The following BRF1 variants were observed in gnomAD, a reference collection of about 807,000 sequenced individuals.
BRF1 encodes transcription factor IIIB 90 kDa subunit.
A neutral mutation model predicts 81.7 loss-of-function variants in BRF1; 59 were observed. The ratio of observed to expected loss-of-function variants is 0.72; its 90% CI spans 0.59 to 0.90. BRF1 has a LOEUF of 0.90. Among genes scored for constraint, BRF1 ranks in the 40% least tolerant of loss-of-function variants. BRF1 has a pLI of 0.00. For missense variants in BRF1, 1,050 were observed against 936.3 expected (o/e 1.12, Z -1.58); for synonymous variants, 491 against 395.6 (o/e 1.24, Z -2.86).
intron 5 of BRF1, chr14:105,241,780 A>T: frequency 3.6e-6 from 1 of 277,596 alleles, no homozygotes; most frequent in Non-Finnish European, 7.2e-6. Flanking sequence ...TCTTAGAGCA[A>T]GACAGGCGTG....
At chr14:105,247,625 A>C in intron 5 of BRF1, 2 of 985,214 alleles carry the variant, frequency 2.0e-6, no homozygotes, top group Non-Finnish European at 2.4e-6. Flanking sequence ...TTAGCCCAGG[A>C]CTGCGGTGAC....
At chr14:105,279,464 T>C (rs1418958194) in intron 2 of BRF1, among the ~76,000 whole-genome samples, 1 of 152,226 alleles carries the variant, frequency 6.6e-6, no homozygotes, top group Non-Finnish European at 1.5e-5. Flanking sequence ...GTTGTGGCCA[T>C]AATTACTCAC....
chr14:105,275,590 T>G (rs1363685526), intron 2 of BRF1, among the ~76,000 whole-genome samples: 1 of 152,202 alleles, frequency 6.6e-6, no homozygotes, highest in Non-Finnish European at 1.5e-5. Context: ...AGCTCTCTGC[T>G]GTATGTTTGA....
rs1372400255 is a variant in BRF1 at position 105,228,755 on chromosome 14, G to C, written c.788+65C>G. ...CGGGAGGTGGCGCCTGCTCTGGCAA[G>C]CAGGCCTGAGCTGGACTGATGAAGC... On this transcript the variant is annotated intron_variant, in intron 7 of 17. Coordinates refer to ENST00000547530, the MANE Select transcript of BRF1 (RefSeq NM_001519.4). The C allele has an allele frequency of 2.5e-6, 4 of 1,574,042 alleles. No individual in the cohort carries two copies. In the African/African-American group the frequency reaches 4.0e-5, roughly 16 times the overall value.
In BRF1 at chr14:105,241,298, T is replaced by G; in HGVS notation, c.661A>C (p.Thr221Pro). 2 of 1,612,570 alleles carry G rather than the reference T, an allele frequency of 1.2e-6. No individual in the cohort carries two copies. The highest frequency in any genetic ancestry group is 1.7e-6 in the Non-Finnish European group (2 of 1,179,904). Residue 221 changes from threonine to proline, a missense_variant, in exon 6 of 18, where the codon ACA (threonine) becomes CCA (proline). By Grantham distance (38) the Thr-to-Pro change is conservative. This residue lies in a region of BRF1 where 1,043 missense variants were observed against 915.4 expected (regional missense o/e 1.14). Transcript: ENST00000547530. ...LQRMKRDWMHTGRRPSGLCGA... is the reference protein window; with the variant it reads ...LQRMKRDWMHPGRRPSGLCGA... ...CAGAGGCCCGAGGGGCGCCGGCCTG[T>G]GTGCATCCAGTCCCGCTTCATCCTC...
At chr14:105,279,749 T>A (rs2056991551) in intron 2 of BRF1, among the ~76,000 whole-genome samples, 1 of 152,114 alleles carries the variant, frequency 6.6e-6, no homozygotes, top group Non-Finnish European at 1.5e-5. Flanking sequence ...AAGGACCAGG[T>A]GCAAGAACAC....
intron 15 of BRF1, among the ~76,000 whole-genome samples, chr14:105,214,346 C>A (rs1251012178): frequency 6.6e-6 from 1 of 152,088 alleles, no homozygotes; most frequent in Non-Finnish European, 1.5e-5. Context: ...AGGGTCAAAG[C>A]AGCCCGAGTG....
chr14:105,257,856 A>G (rs1309464482), intron 3 of BRF1, among the ~76,000 whole-genome samples: 1 of 151,916 alleles, frequency 6.6e-6, no homozygotes. Context: ...CTATGGAGAC[A>G]GCATTAGGTC....
chr14:105,305,849 G>A (rs2058171757), upstream of BRF1, among the ~76,000 whole-genome samples: 1 of 152,258 alleles, frequency 6.6e-6, no homozygotes, highest in Non-Finnish European at 1.5e-5. Context: ...CCAGCTTCCT[G>A]TGCCCAGGGT....
At chr14:105,265,045 C>CTTTTTTTT (rs587772604) in intron 3 of BRF1, among the ~76,000 whole-genome samples, 17 of 135,264 alleles carry the variant, frequency 1.3e-4, no homozygotes, top group South Asian at 4.9e-4. Flanking sequence ...TCTACTTATC[C>CTTTTTTTT]TTTTTTTTGT....
intron 1 of BRF1, chr14:105,314,485 G>C (rs2058464678): frequency 6.7e-6 from 1 of 148,962 alleles, no homozygotes; most frequent in African/African-American, 2.5e-5. Context: ...CCCCGGGCGG[G>C]GTCTGTGCGC....
chr14:105,244,882 G>A (rs1056922077), intron 5 of BRF1, among the ~76,000 whole-genome samples: 2 of 150,942 alleles, frequency 1.3e-5, no homozygotes, highest in Non-Finnish European at 2.9e-5. Context: ...AGGTATGATA[G>A]AACAAAGAAA....
chr14:105,210,180 A>G lies in BRF1; in HGVS notation c.*371T>C. On this transcript the variant is annotated 3_prime_UTR_variant, in exon 18 of 18. Transcript: ENST00000547530. This position sits in a 1 kb window ranked among gnomAD's most constrained non-coding sequence, Gnocchi z 4.7. ...TGGTCCTGAGTCACAGGGCCAGCAC[A>G]CTCAGCCCTCCACACACTTGGACCA... is the stretch of plus-strand genomic sequence containing the variant. 1 of 316,178 alleles carries G rather than the reference A, an allele frequency of 3.2e-6. No homozygotes were observed. Among genetic ancestry groups the G allele is most frequent in the Non-Finnish European group, 6.0e-6 (1 of 166,580 alleles). 19.6% of individuals were successfully genotyped at this position (316,178 alleles called of 1,614,324 possible). A position where few individuals can be genotyped will look rare whatever the true frequency, so the allele number is the denominator to read the frequency against.
chr14:105,292,971 C>T (rs763000736), intron 1 of BRF1, among the ~76,000 whole-genome samples: 92 of 152,312 alleles, frequency 6.0e-4, no homozygotes, highest in Non-Finnish European at 1.1e-3. Context: ...GAAAACAGGA[C>T]GTGTGTCACG....
At chr14:105,246,912 T>C in intron 5 of BRF1, 7 of 985,462 alleles carry the variant, frequency 7.1e-6, no homozygotes, top group Non-Finnish European at 7.2e-6. Context: ...GAGACAGCTG[T>C]CGCCCAGGTC....
chr14:105,216,374 AACCGAG>A (rs1295106940), intron 15 of BRF1, among the ~76,000 whole-genome samples: 1 of 152,108 alleles, frequency 6.6e-6, no homozygotes, highest in Non-Finnish European at 1.5e-5. Flanking sequence ...GGCACAGGGG[AACCGAG>A]CCACAGACCT....
At chr14:105,221,972 G>A in intron 10 of BRF1, 58 bp from the exon 11 acceptor site, 1 of 1,496,124 alleles carries the variant, frequency 6.7e-7, no homozygotes, top group Non-Finnish European at 8.9e-7. Context: ...CCGCTTTTGT[G>A]ACAAAAAACA....
chr14:105,222,651 C>T (rs1015010873), intron 10 of BRF1: 4 of 149,716 alleles, frequency 2.7e-5, no homozygotes, highest in African/African-American at 7.5e-5. Flanking sequence ...TTTTTTGAGA[C>T]GGAGTCTCGC....
Position 105,241,367 on chromosome 14 carries a change from C to G in BRF1, c.592G>C (p.Glu198Gln). The change falls in exon 6 of 18, where the codon GAG becomes CAG. Residue 198 changes from glutamate to glutamine, a missense_variant. Physicochemically the swap from Glu to Gln is conservative, Grantham distance 29. Transcript: ENST00000547530. ...GTCATGGACACCTCGTGGTTCTTCT[C>G]CCCGAATTCCAGCAGGTGCGCAAAG... is the stretch of plus-strand genomic sequence containing the variant. ...PRFAHLLEFGEKNHEVSMTAL... is the reference protein window; with the variant it reads ...PRFAHLLEFGQKNHEVSMTAL... The G allele has an allele frequency of 6.2e-7, 1 of 1,612,788 alleles. No homozygotes were observed. Among genetic ancestry groups the G allele is most frequent in the East Asian group, 2.2e-5 (1 of 44,880 alleles).
Sources: allele counts gnomAD v4.1 joint callset (sites outside exome capture counted in the v4.1 genomes callset), GRCh38; gene constraint gnomAD v4.1.1; regional missense constraint gnomAD v4.1.1; non-coding constraint Gnocchi (gnomAD v3.1); transcripts MANE v1.5; gene names NCBI Gene and HGNC (gene_info 2026-07-23, HGNC 2026-07-21).